Variants in SDHAF3 observed in about 807,000 individuals in gnomAD.
SDHAF3 encodes succinate dehydrogenase complex assembly factor 3, also known as succinate dehydrogenase assembly factor 3, mitochondrial.
SDHAF3 carries 18 observed loss-of-function variants against 11.5 expected under a neutral mutation model. The observed-to-expected ratio is 1.56, with a 90% CI of 1.08 to 2.32. SDHAF3 has a LOEUF of 2.32. Ranked by LOEUF, SDHAF3 falls within the 30% of genes most tolerant of loss-of-function variation. The pLI, the probability that SDHAF3 is intolerant of heterozygous loss-of-function variation, is 0.00. For missense variants in SDHAF3, 200 were observed against 154.4 expected, an observed-to-expected ratio of 1.30 and a Z score of -1.57; for synonymous variants, 72 against 59.3, an observed-to-expected ratio of 1.21 and a Z score of -0.99.
chr7:97,166,467 G>A (rs188099734), intron 1 of SDHAF3, among the ~76,000 whole-genome samples: 31 of 152,246 alleles, frequency 2.0e-4, no homozygotes, highest in Non-Finnish European at 4.3e-4. Context: ...GGGAGTGTCC[G>A]GGTTAAGATA....
chr7:97,124,209 A>C (rs938170590), intron 1 of SDHAF3, among the ~76,000 whole-genome samples: 6 of 152,206 alleles, frequency 3.9e-5, no homozygotes, highest in South Asian at 2.1e-4. Context: ...TTTTTTGCAT[A>C]TGGCTAGCCA....
At chr7:97,128,125 T>C (rs1399388230) in intron 1 of SDHAF3, among the ~76,000 whole-genome samples, 4 of 152,090 alleles carry the variant, frequency 2.6e-5, no homozygotes, top group African/African-American at 9.7e-5. Context: ...CTCAAACTCC[T>C]GACACCAAGT....
At chr7:97,165,376 T>TG (rs386410774) in intron 1 of SDHAF3, among the ~76,000 whole-genome samples, 29 of 150,900 alleles carry the variant, frequency 1.9e-4, no homozygotes, top group Middle Eastern at 3.4e-3. Context: ...TTTTTTTTTT[T>TG]TGCTTGTTTT....
chr7:97,143,763 A>G (rs1023723276), intron 1 of SDHAF3, among the ~76,000 whole-genome samples: 2 of 151,350 alleles, frequency 1.3e-5, no homozygotes, highest in African/African-American at 2.4e-5. Context: ...CTATTTTGCA[A>G]TTGTGAATTG....
chr7:97,125,068 T>A (rs1791555519), intron 1 of SDHAF3, among the ~76,000 whole-genome samples: 1 of 152,174 alleles, frequency 6.6e-6, no homozygotes, highest in South Asian at 2.1e-4. Context: ...TGTCTAGTGC[T>A]GGTTTTCAAA....
intron 1 of SDHAF3, among the ~76,000 whole-genome samples, chr7:97,155,095 T>C (rs1008900409): frequency 1.6e-4 from 24 of 152,236 alleles, no homozygotes; most frequent in Admixed American, 1.4e-3. Flanking sequence ...TTGGCTATAA[T>C]AGAACCTTAT....
At chr7:97,125,744 C>T (rs1003470925) in intron 1 of SDHAF3, among the ~76,000 whole-genome samples, 2 of 152,136 alleles carry the variant, frequency 1.3e-5, no homozygotes, top group East Asian at 3.9e-4. Flanking sequence ...AACCTTTTGT[C>T]AGAGTTCTTA....
rs768412756 is a variant in SDHAF3, at chr7:97,117,787, G to C, written c.64G>C (p.Val22Leu). The C allele has an allele frequency of 6.2e-7, 1 of 1,614,206 alleles. No individual in the cohort carries two copies. ...CAAGCGCGTCTTGCAGCTGCACCGT[G>C]TTCTGCCCCCGGACCTCAAATCCCT... ...LYKRVLQLHR[V>L]LPPDLKSLGD... The change falls in exon 1 of 2, where the codon GTT becomes CTT. Residue 22 changes from valine (V) to leucine (L), a missense_variant. Transcript: ENST00000432641.
chr7:97,125,350 G>T (rs1474449154), intron 1 of SDHAF3, among the ~76,000 whole-genome samples: 1 of 152,076 alleles, frequency 6.6e-6, no homozygotes, highest in African/African-American at 2.4e-5. Flanking sequence ...CTCACTTTCT[G>T]ATGTGGGCAT....
intron 1 of SDHAF3, among the ~76,000 whole-genome samples, chr7:97,143,722 CATTG>C (rs1789092408): frequency 6.6e-6 from 1 of 151,044 alleles, no homozygotes; most frequent in Non-Finnish European, 1.5e-5. Context: ...TTTATCCACT[CATTG>C]ATTGATGGGC....
rs141959471 is a variant in SDHAF3 at position 97,177,311 on chromosome 7, G to T, written c.175-3701G>T. On this transcript the variant is annotated intron_variant, in intron 1 of 1. Coordinates refer to ENST00000432641, the MANE Select transcript of SDHAF3 (RefSeq NM_020186.3). ...AGGTCAGGAGATTGAGACCATCCTAGCTAACGCAGTGAAACCCATCTCTAC... is the reference window on the plus strand; with the variant it reads ...AGGTCAGGAGATTGAGACCATCCTATCTAACGCAGTGAAACCCATCTCTAC... Among the ~76,000 whole-genome samples, 7 of 151,976 alleles carry T rather than the reference G, an allele frequency of 4.6e-5. No individual in the cohort carries two copies. The East Asian group carries it at 1.4e-3, about 29-fold the overall frequency.
At chr7:97,156,805 ATAT>A (rs1259158425) in intron 1 of SDHAF3, among the ~76,000 whole-genome samples, 4 of 151,986 alleles carry the variant, frequency 2.6e-5, no homozygotes, top group African/African-American at 9.7e-5. Context: ...TTTTACATAT[ATAT>A]TTTTTTAGAG....
intron 1 of SDHAF3, chr7:97,136,326 A>C (rs534811297): frequency 4.1e-5 from 21 of 516,622 alleles, no homozygotes; most frequent in African/African-American, 2.1e-4. Flanking sequence ...GTGAATTATC[A>C]ACCTGTAATT....
At chr7:97,171,016 C>CTATAA (rs1789595584) in intron 1 of SDHAF3, among the ~76,000 whole-genome samples, 1 of 151,992 alleles carries the variant, frequency 6.6e-6, no homozygotes, top group African/African-American at 2.4e-5. Context: ...TTTTCTTTTT[C>CTATAA]TATAATATAT....
intron 1 of SDHAF3, among the ~76,000 whole-genome samples, chr7:97,173,922 T>C (rs1001696936): frequency 7.9e-5 from 12 of 151,096 alleles, no homozygotes; most frequent in African/African-American, 2.9e-4. Flanking sequence ...AGCAGCTTTT[T>C]TTTCTTTTTT....
At chr7:97,155,295 G>T (rs1303694502) in intron 1 of SDHAF3, among the ~76,000 whole-genome samples, 1 of 152,148 alleles carries the variant, frequency 6.6e-6, no homozygotes, top group Non-Finnish European at 1.5e-5. Context: ...TCCTCATTCA[G>T]TCTCAGTAAT....
rs1295607934 is a variant in SDHAF3 at position 97,181,197 on chromosome 7, T to C, written c.360T>C (p.Ser120=). The part of the protein sequence containing the change: ...KPNRQFSISE[S]MKPKF ...ATAGGCAATTTAGTATTTCTGAGTC[T>C]ATGAAACCAAAATTTTAGTCTATAC... is the stretch of plus-strand genomic sequence containing the variant. Residue 120 remains serine, a synonymous_variant, in exon 2 of 2, where the codon TCT becomes TCC. Coordinates refer to ENST00000432641, the MANE Select transcript of SDHAF3 (RefSeq NM_020186.3). The C allele has an allele frequency of 6.2e-7, 1 of 1,612,756 alleles. No homozygotes were observed. Among genetic ancestry groups the C allele is most frequent in the Non-Finnish European group, 8.5e-7 (1 of 1,179,574 alleles).
intron 1 of SDHAF3, among the ~76,000 whole-genome samples, chr7:97,152,275 G>A (rs942606674): frequency 2.0e-5 from 3 of 152,202 alleles, no homozygotes; most frequent in Non-Finnish European, 2.9e-5. Context: ...CTAAATTGGA[G>A]ACTGGAGTTT....
At chr7:97,162,147 C>T (rs1789423477) in intron 1 of SDHAF3, among the ~76,000 whole-genome samples, 2 of 152,180 alleles carry the variant, frequency 1.3e-5, no homozygotes, top group Admixed American at 1.3e-4. Context: ...GAGATGGTAT[C>T]TCATTGTGGT....
Sources: allele counts gnomAD v4.1 joint callset (sites outside exome capture counted in the v4.1 genomes callset), GRCh38; gene constraint gnomAD v4.1.1; transcripts MANE v1.5; gene names NCBI Gene and HGNC (gene_info 2026-07-23, HGNC 2026-07-21).